Variants in ENTREP2 observed in about 807,000 individuals in gnomAD.
ENTREP2 encodes the protein endosomal transmembrane epsin interactor 2.
At chr15:29,547,522 C>T in the ENTREP2 span, among the ~76,000 whole-genome samples, 1 of 152,146 alleles carries the variant, frequency 6.6e-6, no homozygotes, top group African/African-American at 2.4e-5. Flanking sequence ...ATCAAAACCA[C>T]AACAAGGTAT....
chr15:29,640,336 A>T, the ENTREP2 span, among the ~76,000 whole-genome samples: 1 of 152,184 alleles, frequency 6.6e-6, no homozygotes, highest in African/African-American at 2.4e-5. Flanking sequence ...ATAAATAGTC[A>T]TAGAAAAGAG....
the ENTREP2 span, among the ~76,000 whole-genome samples, chr15:29,312,338 A>G: frequency 6.6e-6 from 1 of 152,058 alleles, no homozygotes; most frequent in Non-Finnish European, 1.5e-5. Context: ...AAGCACCAAA[A>G]AAAAAAAAGA....
At chr15:29,595,433 A>G in the ENTREP2 span, among the ~76,000 whole-genome samples, 1 of 152,132 alleles carries the variant, frequency 6.6e-6, no homozygotes, top group Non-Finnish European at 1.5e-5. Flanking sequence ...ATACTGACAC[A>G]TTATTATTCA....
chr15:29,258,212 C>CAAAAAAAAAAAAAAAA, the ENTREP2 span, among the ~76,000 whole-genome samples: 1 of 118,330 alleles, frequency 8.5e-6, no homozygotes, highest in African/African-American at 3.3e-5. Context: ...GGCTCAGTCT[C>CAAAAAAAAAAAAAAAA]AAAAAAAAAA....
the ENTREP2 span, among the ~76,000 whole-genome samples, chr15:29,646,589 C>T: frequency 1.3e-5 from 2 of 152,174 alleles, no homozygotes; most frequent in Non-Finnish European, 2.9e-5. Context: ...AAGTCCTCTA[C>T]ATTTAAGGAC....
At chr15:29,179,582 C>CTT in the ENTREP2 span, among the ~76,000 whole-genome samples, 21 of 134,686 alleles carry the variant, frequency 1.6e-4, no homozygotes, top group Non-Finnish European at 3.0e-4. Flanking sequence ...CCGGAGTCGT[C>CTT]TTTTTTTTTT....
At chr15:29,654,916 T>C in the ENTREP2 span, among the ~76,000 whole-genome samples, 2 of 152,154 alleles carry the variant, frequency 1.3e-5, no homozygotes, top group African/African-American at 4.8e-5. Context: ...ATGCATACAG[T>C]TGAAATCTAG....
At chr15:29,226,389 A>C in the ENTREP2 span, among the ~76,000 whole-genome samples, 1 of 152,240 alleles carries the variant, frequency 6.6e-6, no homozygotes, top group Non-Finnish European at 1.5e-5. Flanking sequence ...AGAAGAATGA[A>C]AACAGAATGA....
chr15:29,573,646 C>CTCTCTCTCTCCCT, the ENTREP2 span, among the ~76,000 whole-genome samples: 1 of 151,028 alleles, frequency 6.6e-6, no homozygotes, highest in African/African-American at 2.4e-5. Context: ...TCTCTCCCCC[C>CTCTCTCTCTCCCT]CTCTCTCTCT....
chr15:29,599,072 A>G, the ENTREP2 span, among the ~76,000 whole-genome samples: 1 of 152,208 alleles, frequency 6.6e-6, no homozygotes, highest in Non-Finnish European at 1.5e-5. Context: ...TCATCCTTTT[A>G]GAACATGTTG....
the ENTREP2 span, among the ~76,000 whole-genome samples, chr15:29,386,810 G>C: frequency 6.6e-6 from 1 of 152,128 alleles, no homozygotes; most frequent in African/African-American, 2.4e-5. Flanking sequence ...GTCAGTTATT[G>C]GTGTATAAAA....
chr15:29,136,124 G>A, the ENTREP2 span, among the ~76,000 whole-genome samples: 128 of 152,348 alleles, frequency 8.4e-4, 1 homozygote, highest in Non-Finnish European at 1.6e-3. Context: ...TGCAGGTGCC[G>A]CTCTCTGAGC....
chr15:29,548,879 GTTAAA>G, the ENTREP2 span, among the ~76,000 whole-genome samples: 1,687 of 152,276 alleles, frequency 0.011, 34 homozygotes, highest in African/African-American at 0.038. Context: ...TACTGGCTCT[GTTAAA>G]TTAAACTAAA....
At chr15:29,613,470 C>A in the ENTREP2 span, 1 of 425,660 alleles carries the variant, frequency 2.3e-6, no homozygotes, top group Non-Finnish European at 4.6e-6. Context: ...AATGGGCACC[C>A]TCCTCCACAG....
At chr15:29,234,817 A>C in the ENTREP2 span, 39 of 1,450,312 alleles carry the variant, frequency 2.7e-5, no homozygotes, top group East Asian at 7.0e-4. Context: ...TCTGTTTATC[A>C]TTTGTGCAAG....
At chr15:29,516,614 G>A in the ENTREP2 span, among the ~76,000 whole-genome samples, 1 of 151,924 alleles carries the variant, frequency 6.6e-6, no homozygotes, top group African/African-American at 2.4e-5. Flanking sequence ...GGATGGGGGG[G>A]TGCAGGTACA....
the ENTREP2 span, among the ~76,000 whole-genome samples, chr15:29,604,571 C>T: frequency 1.3e-5 from 2 of 152,066 alleles, no homozygotes; most frequent in Non-Finnish European, 2.9e-5. Context: ...ACATCTCACC[C>T]AAGGAATTAT....
the ENTREP2 span, among the ~76,000 whole-genome samples, chr15:29,405,284 G>T: frequency 1.3e-5 from 2 of 151,926 alleles, no homozygotes. Flanking sequence ...AGCTACTCAG[G>T]AGGCTGAGGC....
chr15:29,421,101 G>T, the ENTREP2 span, among the ~76,000 whole-genome samples: 1 of 152,196 alleles, frequency 6.6e-6, no homozygotes, highest in Non-Finnish European at 1.5e-5. Context: ...AGAAGAAAAT[G>T]AGTCCTGGAG....
Sources: gnomAD v4.1 joint callset for allele counts (sites outside exome capture counted in the v4.1 genomes callset) on GRCh38, gnomAD v4.1.1 for gene constraint, MANE v1.5 for transcripts, NCBI Gene and HGNC (gene_info 2026-07-23, HGNC 2026-07-21) for gene names.